DMC1: variants seen among roughly 807,000 people sequenced by gnomAD.
DMC1 encodes meiotic recombination protein DMC1 homolog.
In DMC1, 27 loss-of-function variants were observed where a neutral mutation model predicts 50.1. The ratio of observed to expected loss-of-function variants is 0.54; its 90% CI spans 0.40 to 0.74. The LOEUF is 0.74. DMC1 is among the 30% of genes least tolerant of loss of function. DMC1 has a pLI of 0.00. For missense variants in DMC1, 295 were observed against 420.2 expected, an observed-to-expected ratio of 0.70 and a Z score of 2.60; for synonymous variants, 148 against 136.1, an observed-to-expected ratio of 1.09 and a Z score of -0.61.
chr22:38,531,370 G>A (rs2090149928), intron 12 of DMC1, among the ~76,000 whole-genome samples: 1 of 151,816 alleles, frequency 6.6e-6, no homozygotes, highest in East Asian at 1.9e-4. Flanking sequence ...CTATAATTTC[G>A]TTCCTTTTTA....
intron 6 of DMC1, among the ~76,000 whole-genome samples, chr22:38,553,412 G>A (rs1327641993): frequency 3.4e-5 from 5 of 149,202 alleles, no homozygotes; most frequent in Non-Finnish European, 7.4e-5. Flanking sequence ...GCAGCAGAAT[G>A]GTGTGAACTC....
At chr22:38,560,697 CAT>C (rs1164722323) in intron 5 of DMC1, among the ~76,000 whole-genome samples, 1 of 151,642 alleles carries the variant, frequency 6.6e-6, no homozygotes, top group Non-Finnish European at 1.5e-5. Context: ...ATAAAAATAA[CAT>C]ATATTATATA....
chr22:38,524,411 G>A (rs376929994), intron 12 of DMC1, among the ~76,000 whole-genome samples: 8 of 151,666 alleles, frequency 5.3e-5, no homozygotes, highest in Admixed American at 4.6e-4. Context: ...GCGAGATTCC[G>A]TCTCAAAAAA....
chr22:38,547,736 T>C (rs1221591119), intron 8 of DMC1, among the ~76,000 whole-genome samples: 1 of 151,880 alleles, frequency 6.6e-6, no homozygotes, highest in African/African-American at 2.4e-5. Context: ...ACAGGGTTTC[T>C]CCATGTTGGT....
At chr22:38,509,726 A>G in the DMC1 span, among the ~76,000 whole-genome samples, 438 of 152,008 alleles carry the variant, frequency 2.9e-3, 2 homozygotes, top group African/African-American at 0.01. Context: ...CTGGAGTGCA[A>G]TGGCGCGATC....
In DMC1 at chr22:38,519,866, T is replaced by C; in HGVS notation, c.*154A>G. ...GTATAGTTATCATAAATCAGGGACT[T>C]TTAAGATAAATATAAGATTTAAATC... is the stretch of plus-strand genomic sequence containing the variant. On this transcript the variant is annotated 3_prime_UTR_variant, in exon 14 of 14. Coordinates refer to ENST00000216024, the MANE Select transcript of DMC1 (RefSeq NM_007068.4). The C allele has an allele frequency of 1.6e-6, 1 of 639,710 alleles. No individual in the cohort carries two copies. The highest frequency in any genetic ancestry group is 1.6e-5 in the South Asian group (1 of 63,374). 39.6% of individuals were successfully genotyped at this position (639,710 alleles called of 1,614,324 possible). A position where few individuals can be genotyped will look rare whatever the true frequency, so the allele number is the denominator to read the frequency against.
chr22:38,520,988 G>A (rs1054754449), intron 13 of DMC1, among the ~76,000 whole-genome samples: 8 of 151,392 alleles, frequency 5.3e-5, no homozygotes, highest in South Asian at 2.1e-4. Flanking sequence ...CGCCCACCTC[G>A]GCCTCCCAAA....
chr22:38,564,338 CT>C (rs2090559868), intron 4 of DMC1, among the ~76,000 whole-genome samples: 1 of 152,042 alleles, frequency 6.6e-6, no homozygotes, highest in Non-Finnish European at 1.5e-5. Flanking sequence ...GAGACAGAGT[CT>C]CGCTGTGTCA....
intron 5 of DMC1, among the ~76,000 whole-genome samples, chr22:38,558,871 A>G (rs1033279300): frequency 2.6e-5 from 4 of 152,200 alleles, no homozygotes; most frequent in Non-Finnish European, 5.9e-5. Flanking sequence ...ACTAAAGAAA[A>G]TCAGATTGTC....
intron 12 of DMC1, 54 bp from the exon 13 acceptor site, chr22:38,521,778 T>C (rs2090031538): frequency 4.2e-6 from 5 of 1,201,022 alleles, no homozygotes; most frequent in Admixed American, 3.4e-5. Context: ...TATATGGCAA[T>C]ATCTGCAATT....
At chr22:38,535,954 C>A (rs1602729478) in intron 12 of DMC1, among the ~76,000 whole-genome samples, 1 of 151,720 alleles carries the variant, frequency 6.6e-6, no homozygotes, top group East Asian at 1.9e-4. Flanking sequence ...GGCAAGGGGG[C>A]TCACACATGT....
At chr22:38,535,001 C>G (rs1342909662) in intron 12 of DMC1, among the ~76,000 whole-genome samples, 1 of 148,118 alleles carries the variant, frequency 6.8e-6, no homozygotes, top group South Asian at 2.1e-4. Flanking sequence ...AGTGAAACTC[C>G]ATCTAAAAAA....
At chr22:38,533,577 T>TA (rs1310120699) in intron 12 of DMC1, among the ~76,000 whole-genome samples, 1 of 152,216 alleles carries the variant, frequency 6.6e-6, no homozygotes, top group Non-Finnish European at 1.5e-5. Flanking sequence ...CTGTCAATGA[T>TA]ACATTTAATC....
At chr22:38,538,255 C>A (rs763162657) in intron 11 of DMC1, 40 bp downstream of exon 11, 2 of 1,533,846 alleles carry the variant, frequency 1.3e-6, no homozygotes, top group Non-Finnish European at 1.8e-6. Flanking sequence ...GTATACTTGA[C>A]AAACATAGTC....
At position 38,519,814 on chromosome 22, in the gene DMC1, A is replaced by G. The variant is rs1227661239; in HGVS notation, c.*206T>C. 1.9e-6 allele frequency: 1 copy of G among 529,650 alleles called. No homozygotes were observed. The highest frequency in any genetic ancestry group is 3.5e-6 in the Non-Finnish European group (1 of 289,488). The allele number at this position is 529,650 out of a possible 1,614,324, so 32.8% of individuals were successfully genotyped here. A position where few individuals can be genotyped will look rare whatever the true frequency, so the allele number is the denominator to read the frequency against. On this transcript the variant is annotated 3_prime_UTR_variant, in exon 14 of 14. Coordinates refer to ENST00000216024, the MANE Select transcript of DMC1 (RefSeq NM_007068.4). ...AACACACACACACACAAACATACAT[A>G]TACATATCCCTGAATTTACATACAA...
chr22:38,561,034 G>A (rs1198690417), intron 5 of DMC1, among the ~76,000 whole-genome samples: 6 of 151,330 alleles, frequency 4.0e-5, no homozygotes, highest in African/African-American at 7.3e-5. Context: ...TTCTCTCTGC[G>A]TCACCCAGGC....
At chr22:38,523,833 G>A (rs747065801) in intron 12 of DMC1, among the ~76,000 whole-genome samples, 2 of 152,052 alleles carry the variant, frequency 1.3e-5, no homozygotes, top group Non-Finnish European at 2.9e-5. Flanking sequence ...GGGGAATATT[G>A]GACTGCAAAA....
Position 38,520,023 on chromosome 22 carries a change from C to T in DMC1, c.1020G>A (p.Glu340=). The T allele has an allele frequency of 6.2e-7, 1 of 1,613,528 alleles. No individual in the cohort carries two copies. The highest frequency in any genetic ancestry group is 8.5e-7 in the Non-Finnish European group (1 of 1,179,540). ...GCAATTTGCATCAATTCACCACCTA[C>T]TCCTTGGCATCCCCAATTCCTCCAG... ...ITAGGIGDAK[E] Residue 340 remains glutamate (E), a synonymous_variant, in exon 14 of 14, where the codon GAG becomes GAA. Transcript: ENST00000216024.
intron 12 of DMC1, among the ~76,000 whole-genome samples, chr22:38,531,882 G>A (rs1351018373): frequency 6.7e-6 from 1 of 150,372 alleles, no homozygotes; most frequent in Non-Finnish European, 1.5e-5. Context: ...TTGTCTTATT[G>A]GAATTAATTC....
Sources: gnomAD v4.1 joint callset for allele counts (sites outside exome capture counted in the v4.1 genomes callset) on GRCh38, gnomAD v4.1.1 for gene constraint, MANE v1.5 for transcripts, NCBI Gene and HGNC (gene_info 2026-07-23, HGNC 2026-07-21) for gene names.